The following MACROH2A2 variants were observed in gnomAD, a reference collection of about 807,000 sequenced individuals.
MACROH2A2 encodes the protein macroH2A.2 histone.
A neutral mutation model predicts 37.6 loss-of-function variants in MACROH2A2; 6 were observed. The ratio of observed to expected loss-of-function variants is 0.16; its 90% CI spans 0.09 to 0.32. The LOEUF is 0.32. MACROH2A2 is among the 10% of genes least tolerant of loss of function. The pLI is 1.00. For missense variants in MACROH2A2, 290 were observed against 485.9 expected (o/e 0.60, Z 3.79); for synonymous variants, 192 against 202.7 (o/e 0.95, Z 0.45).
chr10:70,090,990 A>C (rs1427898094), intron 3 of MACROH2A2, among the ~76,000 whole-genome samples: 4 of 152,212 alleles, frequency 2.6e-5, no homozygotes, highest in African/African-American at 9.7e-5. Context: ...TTTGCAGATA[A>C]ATTAACTTAT....
In MACROH2A2 at chr10:70,095,673, A is replaced by G; in HGVS notation, c.608A>G (p.Asp203Gly). Residue 203 changes from aspartate (D) to glycine (G), a missense_variant, in exon 6 of 9, where the codon GAC (aspartate) becomes GGC (glycine). Coordinates refer to ENST00000373255, the MANE Select transcript of MACROH2A2 (RefSeq NM_018649.3). The stretch of plus-strand genomic sequence containing the variant: ...ATGCAGCTGTCCTTAACCCAGAGTG[A>G]CATCAGCCATATTGGCTCCATGAGA... ...LGQKLSLTQS[D>G]ISHIGSMRVE... 1 of 1,567,868 alleles carries G rather than the reference A, an allele frequency of 6.4e-7. No homozygotes were observed.
In MACROH2A2 at chr10:70,103,394, G is replaced by A. The variant is rs137858747; in HGVS notation, c.778+3097G>A. Among the ~76,000 whole-genome samples the A allele has an allele frequency of 4.6e-3, 695 of 152,268 alleles. 7 individuals carry two copies. The highest frequency in any genetic ancestry group is 0.016 in the African/African-American group (663 of 41,550). On this transcript the variant is annotated intron_variant, in intron 7 of 8. Transcript: ENST00000373255. ...TTTTTTAAATTATTTTTTAAATAGA[G>A]ATGGGTTCTTGCTGTGTTGCCCAGG...
In MACROH2A2 at chr10:70,107,412, A is replaced by G. The variant is rs1481658103; in HGVS notation, c.779-1621A>G. Among the ~76,000 whole-genome samples, 2 of 152,210 alleles carry G rather than the reference A, an allele frequency of 1.3e-5. No individual in the cohort carries two copies. The highest frequency in any genetic ancestry group is 2.9e-5 in the Non-Finnish European group (2 of 68,030). Reference sequence around the variant, plus strand: ...ACGGCGGACACACGTTTCTGTTACAAGTGCTGCCCCTAGTGGCCACGGACC... The same window carrying G: ...ACGGCGGACACACGTTTCTGTTACAGGTGCTGCCCCTAGTGGCCACGGACC... On this transcript the variant is annotated intron_variant, in intron 7 of 8. Coordinates refer to ENST00000373255, the MANE Select transcript of MACROH2A2 (RefSeq NM_018649.3). The surrounding 1 kb of genome is among the most constrained non-coding windows in gnomAD (Gnocchi z 4.4).
In MACROH2A2 at chr10:70,075,056, T is replaced by A. The variant is rs543378209; in HGVS notation, c.-59-544T>A. 6.6e-6 allele frequency among the ~76,000 whole-genome samples: 1 copy of A among 152,360 alleles called. No homozygotes were observed. The highest frequency in any genetic ancestry group is 2.1e-4 in the South Asian group (1 of 4,832). On this transcript the variant is annotated intron_variant, in intron 1 of 8. Transcript: ENST00000373255. This position sits in a 1 kb window ranked among gnomAD's most constrained non-coding sequence, Gnocchi z 5.0. ...TAGCCTTACTGGGCTAAAGTCAAGG[T>A]ATCAGCAGGACTAATTCCTTCTGAT...
intron 1 of MACROH2A2, among the ~76,000 whole-genome samples, chr10:70,073,447 G>A (rs963430907): frequency 4.3e-4 from 66 of 152,190 alleles, no homozygotes; most frequent in Non-Finnish European, 1.0e-4. Flanking sequence ...TCTGGGCCTT[G>A]CAGTCAAAGA....
chr10:70,094,667 G>T (rs1235334934), intron 5 of MACROH2A2, among the ~76,000 whole-genome samples: 1 of 152,172 alleles, frequency 6.6e-6, no homozygotes, highest in Non-Finnish European at 1.5e-5. Flanking sequence ...CCCCTCTCTG[G>T]CCTGTTCACT....
In MACROH2A2 at chr10:70,093,850, CAA is replaced by C; in HGVS notation, c.588+7_588+8del. 1 of 1,471,692 alleles carries C rather than the reference CAA, an allele frequency of 6.8e-7. No individual in the cohort carries two copies. The highest frequency in any genetic ancestry group is 1.1e-5 in the South Asian group (1 of 88,062). The allele number at this position is 1,471,692 out of a possible 1,614,324, so 91.2% of individuals were successfully genotyped here. ...AGCCTTGTTCTGGGACAGAAGGTAA[CAA>C]AGAGAATTGCCTTGTGCTATATTAA... On this transcript the variant is annotated splice_donor_region_variant and intron_variant, in intron 5 of 8. Transcript: ENST00000373255.
In MACROH2A2 at chr10:70,077,404, C is replaced by G. The variant is rs188643002; in HGVS notation, c.172+1574C>G. ...CCAATATGGTGACACCCCATCTCTA[C>G]TAAAAATACAAAAATTAGCCAGGCG... is the stretch of plus-strand genomic sequence containing the variant. On this transcript the variant is annotated intron_variant, in intron 2 of 8. Transcript: ENST00000373255. Among the ~76,000 whole-genome samples the G allele has an allele frequency of 8.7e-3, 1,323 of 151,826 alleles. 21 individuals carry two copies. The highest frequency in any genetic ancestry group is 0.03 in the African/African-American group (1,249 of 41,384).
chr10:70,084,989 A>T (rs1275031866), intron 2 of MACROH2A2, among the ~76,000 whole-genome samples: 4 of 152,124 alleles, frequency 2.6e-5, no homozygotes, highest in African/African-American at 9.7e-5. Context: ...GGACGGGGAA[A>T]CCATCTAGAC....
At chr10:70,104,403 A>G (rs527652960) in intron 7 of MACROH2A2, among the ~76,000 whole-genome samples, 2 of 151,600 alleles carry the variant, frequency 1.3e-5, no homozygotes, top group Non-Finnish European at 2.9e-5. Flanking sequence ...TTGGCCAGGC[A>G]TGGTGGCTCA....
intron 7 of MACROH2A2, among the ~76,000 whole-genome samples, chr10:70,102,291 G>A (rs1030104627): frequency 6.6e-6 from 1 of 152,210 alleles, no homozygotes; most frequent in Non-Finnish European, 1.5e-5. Context: ...GGGTCAGCAC[G>A]TGGGAGGAGA....
chr10:70,089,260 A>G (rs2072229457), intron 2 of MACROH2A2, among the ~76,000 whole-genome samples: 2 of 152,242 alleles, frequency 1.3e-5, no homozygotes, highest in African/African-American at 4.8e-5. Flanking sequence ...GTCAGGATTC[A>G]CTTCTATAGA....
At chr10:70,069,443 A>G (rs1447498809) in intron 1 of MACROH2A2, among the ~76,000 whole-genome samples, 1 of 152,104 alleles carries the variant, frequency 6.6e-6, no homozygotes, top group Non-Finnish European at 1.5e-5. Context: ...TCTTTCTGCT[A>G]TGAAAGGACA....
intron 4 of MACROH2A2, among the ~76,000 whole-genome samples, chr10:70,092,787 T>G (rs1231020187): frequency 6.6e-6 from 1 of 152,206 alleles, no homozygotes; most frequent in East Asian, 1.9e-4. Context: ...ACCTGCATTT[T>G]ATTTCTCTGC....
chr10:70,104,979 G>A (rs1398234594), intron 7 of MACROH2A2, among the ~76,000 whole-genome samples: 1 of 152,354 alleles, frequency 6.6e-6, no homozygotes, highest in East Asian at 1.9e-4. Context: ...GCAGGGGGTC[G>A]GGGAGGGTGG....
chr10:70,109,811 A>G (rs755127552), intron 8 of MACROH2A2, among the ~76,000 whole-genome samples: 12 of 152,310 alleles, frequency 7.9e-5, no homozygotes, highest in Admixed American at 2.6e-4. Context: ...GAGACTGGGC[A>G]ATGACTGGAT....
chr10:70,053,557 A>G lies in MACROH2A2; in HGVS notation c.-60+557A>G, dbSNP rs1013194241. 1.3e-5 allele frequency among the ~76,000 whole-genome samples: 2 copies of G among 149,134 alleles called. No individual in the cohort carries two copies. Among genetic ancestry groups the G allele is most frequent in the African/African-American group, 5.0e-5 (2 of 40,212 alleles). On this transcript the variant is annotated intron_variant, in intron 1 of 8. Coordinates refer to ENST00000373255, the MANE Select transcript of MACROH2A2 (RefSeq NM_018649.3). The surrounding 1 kb of genome is among the most constrained non-coding windows in gnomAD (Gnocchi z 4.8). ...CGGAGCAGCCGGGCGGAGGTTAGGGACCCGAGTCCGGGGGCGGGCCGCGCC... is the reference window on the plus strand; with the variant it reads ...CGGAGCAGCCGGGCGGAGGTTAGGGGCCCGAGTCCGGGGGCGGGCCGCGCC...
chr10:70,056,493 A>G (rs2072017997), intron 1 of MACROH2A2, among the ~76,000 whole-genome samples: 1 of 152,246 alleles, frequency 6.6e-6, no homozygotes. Context: ...AACTAAATAC[A>G]AGTAATAATT....
rs75168453 is a variant in MACROH2A2 at position 70,066,560 on chromosome 10, C to T, written c.-59-9040C>T. 2.7e-3 allele frequency among the ~76,000 whole-genome samples: 415 copies of T among 152,178 alleles called. 3 individuals carry two copies. Among genetic ancestry groups the T allele is most frequent in the African/African-American group, 9.5e-3 (393 of 41,534 alleles). ...GCTTTGAGAATAACCCCTCTGCAAA[C>T]GGTTCTCTGGGAAAAACAGGGTCTC... is the stretch of plus-strand genomic sequence containing the variant. On this transcript the variant is annotated intron_variant, in intron 1 of 8. Coordinates refer to ENST00000373255, the MANE Select transcript of MACROH2A2 (RefSeq NM_018649.3).
Sources: gnomAD v4.1 joint callset for allele counts (sites outside exome capture counted in the v4.1 genomes callset) on GRCh38, gnomAD v4.1.1 for gene constraint, Gnocchi (gnomAD v3.1) non-coding constraint, MANE v1.5 for transcripts, NCBI Gene and HGNC (gene_info 2026-07-23, HGNC 2026-07-21) for gene names.